Variants in CLIC2 observed in about 807,000 individuals in gnomAD.
CLIC2 encodes the protein chloride intracellular channel protein 2.
Under a neutral mutation model 14.8 loss-of-function variants are expected in CLIC2, and 9 were observed. The ratio of observed to expected loss-of-function variants is 0.61; its 90% CI spans 0.37 to 1.06. The LOEUF is 1.06. Among genes scored for constraint, CLIC2 ranks in the 50% least tolerant of loss-of-function variants. The pLI is 0.01. For synonymous variants in CLIC2, 61 were observed against 66.3 expected (o/e 0.92, Z 0.39); for missense variants, 148 against 181.4 (o/e 0.82, Z 1.06).
intron 1 of CLIC2, among the ~76,000 whole-genome samples, chrX:155,308,637 G>C (rs1345197694): frequency 8.9e-6 from 1 of 111,986 alleles, no homozygotes; most frequent in Admixed American, 9.5e-5. Flanking sequence ...AAAGGTCAAG[G>C]ATAAAGAAAG....
At position 155,320,537 on chromosome X, in the gene CLIC2, C is replaced by G. The variant is rs143950110; in HGVS notation, c.57+13834G>C. Among the ~76,000 whole-genome samples, 260 of 112,128 alleles carry G rather than the reference C, an allele frequency of 2.3e-3. 2 individuals carry two copies. The highest frequency in any genetic ancestry group is 8.2e-3 in the African/African-American group (252 of 30,901). The stretch of plus-strand genomic sequence containing the variant: ...AACATCAACAAAAAGGATGTCCACA[C>G]AGAAGGTCACCATCCGAAGGTCACC... On this transcript the variant is annotated intron_variant, in intron 1 of 5. Coordinates refer to ENST00000369449, the MANE Select transcript of CLIC2 (RefSeq NM_001289.6).
At chrX:155,315,060 A>C (rs1485033161) in intron 1 of CLIC2, among the ~76,000 whole-genome samples, 1 of 111,825 alleles carries the variant, frequency 8.9e-6, no homozygotes, top group Non-Finnish European at 1.9e-5. Flanking sequence ...CAAAGAAAAA[A>C]ATAATTAAAA....
intron 3 of CLIC2, among the ~76,000 whole-genome samples, chrX:155,284,312 T>G (rs1557316876): frequency 1.9e-5 from 2 of 102,643 alleles, no homozygotes. Context: ...CAGGCTAGAG[T>G]GCAATGGCGC....
At chrX:155,292,545 C>G (rs1306095867) in intron 3 of CLIC2, 1 of 450,000 alleles carries the variant, frequency 2.2e-6, no homozygotes, top group Admixed American at 3.3e-5. Flanking sequence ...CCGAGGTGGG[C>G]AGATCACGAG....
At chrX:155,296,153 G>A (rs1557318310) in intron 3 of CLIC2, among the ~76,000 whole-genome samples, 1 of 111,657 alleles carries the variant, frequency 9.0e-6, no homozygotes, top group African/African-American at 3.2e-5. Flanking sequence ...AGCATGTTAT[G>A]GTATAAAAAT....
At chrX:155,306,602 C>T (rs1557320054) in intron 1 of CLIC2, among the ~76,000 whole-genome samples, 1 of 111,486 alleles carries the variant, frequency 9.0e-6, no homozygotes. Flanking sequence ...GTTTAATTGG[C>T]TCACAGTTCT....
intron 1 of CLIC2, among the ~76,000 whole-genome samples, chrX:155,328,894 A>G (rs943091039): frequency 4.5e-5 from 5 of 111,080 alleles, no homozygotes; most frequent in Non-Finnish European, 9.5e-5. Context: ...GGAAAACTGG[A>G]TATCCATATG....
chrX:155,295,708 C>T (rs1557318271), intron 3 of CLIC2, among the ~76,000 whole-genome samples: 2 of 111,083 alleles, frequency 1.8e-5, no homozygotes, highest in African/African-American at 3.3e-5. Flanking sequence ...AAATATGTAG[C>T]ATTTCTATAC....
At chrX:155,290,253 A>T (rs2074959223) in intron 3 of CLIC2, 1 of 175,155 alleles carries the variant, frequency 5.7e-6, no homozygotes, top group Non-Finnish European at 1.1e-5. Flanking sequence ...CAAAAAGTAC[A>T]ATTTTTTCCC....
chrX:155,309,940 T>G (rs782490691), intron 1 of CLIC2, among the ~76,000 whole-genome samples: 1 of 112,159 alleles, frequency 8.9e-6, no homozygotes, highest in East Asian at 2.8e-4. Flanking sequence ...CATTTTAGCA[T>G]TTACTCAAAA....
chrX:155,319,203 A>G (rs1246903499), intron 1 of CLIC2, among the ~76,000 whole-genome samples: 1 of 112,117 alleles, frequency 8.9e-6, no homozygotes, highest in East Asian at 2.8e-4. Context: ...AACAAAGCTA[A>G]ATAGATGGGA....
At chrX:155,323,993 A>G (rs782639900) in intron 1 of CLIC2, among the ~76,000 whole-genome samples, 112 of 112,256 alleles carry the variant, frequency 1.0e-3, no homozygotes, top group Middle Eastern at 4.6e-3. Context: ...CTTTGAGGAG[A>G]ACTACAAACC....
intron 3 of CLIC2, among the ~76,000 whole-genome samples, chrX:155,286,411 T>C (rs1329767810): frequency 8.9e-6 from 1 of 112,176 alleles, no homozygotes; most frequent in Non-Finnish European, 1.9e-5. Flanking sequence ...TCCATGTCTT[T>C]GTTATTGTGA....
At chrX:155,302,874 A>T (rs1475920593) in intron 1 of CLIC2, among the ~76,000 whole-genome samples, 1 of 80,996 alleles carries the variant, frequency 1.2e-5, no homozygotes, top group African/African-American at 4.4e-5. Flanking sequence ...TTCAGTTTCC[A>T]TGTAGTTGAG....
At chrX:155,279,076 G>A (rs2074909036) in intron 5 of CLIC2, 73 bp downstream of exon 5, 10 of 809,666 alleles carry the variant, frequency 1.2e-5, no homozygotes, top group Non-Finnish European at 1.9e-5. Flanking sequence ...TACCGCACTG[G>A]AAGGTCACTA....
rs782184053 is a variant in CLIC2, at chrX:155,333,978, A to G, written c.57+393T>C. 1.1e-4 allele frequency among the ~76,000 whole-genome samples: 12 copies of G among 110,850 alleles called. No homozygotes were observed. The South Asian group carries it at 4.6e-3, about 43-fold the overall frequency. On this transcript the variant is annotated intron_variant, in intron 1 of 5. Transcript: ENST00000369449. The stretch of plus-strand genomic sequence containing the variant: ...AGTCAGGCCTTCCAAAACCTATCTC[A>G]TAAAACACAGATTTTGAGACTTGGA...
At chrX:155,304,343 G>A (rs1373873407) in intron 1 of CLIC2, among the ~76,000 whole-genome samples, 3 of 99,470 alleles carry the variant, frequency 3.0e-5, no homozygotes, top group Non-Finnish European at 6.1e-5. Flanking sequence ...ATCTTCCATT[G>A]CTGATACCCT....
At chrX:155,326,868 T>C (rs2075140144) in intron 1 of CLIC2, among the ~76,000 whole-genome samples, 1 of 111,723 alleles carries the variant, frequency 9.0e-6, no homozygotes, top group Non-Finnish European at 1.9e-5. Flanking sequence ...TCCATTTACG[T>C]AACATTCTTG....
intron 3 of CLIC2, 103 bp from the exon 4 acceptor site, chrX:155,280,171 C>A (rs1338386771): frequency 3.2e-5 from 18 of 554,051 alleles, no homozygotes; most frequent in Non-Finnish European, 5.4e-5. Flanking sequence ...GAACATTGTG[C>A]TGGAAACTAA....
Sources: gnomAD v4.1 joint callset for allele counts (sites outside exome capture counted in the v4.1 genomes callset) on GRCh38, gnomAD v4.1.1 for gene constraint, MANE v1.5 for transcripts, NCBI Gene and HGNC (gene_info 2026-07-23, HGNC 2026-07-21) for gene names.